AUTS2: variants seen among roughly 807,000 people sequenced by gnomAD.
AUTS2 encodes the protein activator of transcription and developmental regulator AUTS2.
AUTS2 carries 17 observed loss-of-function variants against 112.4 expected under a neutral mutation model. The ratio of observed to expected loss-of-function variants is 0.15; its 90% confidence interval spans 0.10 to 0.23. The LOEUF is 0.23. Ranked by LOEUF, AUTS2 falls within the 10% of genes least tolerant of loss-of-function variation. The pLI, the probability that AUTS2 is intolerant of heterozygous loss-of-function variation, is 1.00. For synonymous variants in AUTS2, 751 were observed against 702.7 expected (o/e 1.07, Z -1.09); for missense variants, 1,510 against 1,701.6 (o/e 0.89, Z 1.98).
chr7:70,577,836 T>C (rs1225726792), intron 5 of AUTS2, among the ~76,000 whole-genome samples: 1 of 151,818 alleles, frequency 6.6e-6, no homozygotes. Context: ...TCTTTATTTT[T>C]TTTTTATTTT....
intron 4 of AUTS2, among the ~76,000 whole-genome samples, chr7:70,309,690 TA>T (rs1451083159): frequency 1.3e-5 from 2 of 152,214 alleles, no homozygotes; most frequent in Admixed American, 6.5e-5. Context: ...CTACTGTTTT[TA>T]TGTAGTCTTT....
chr7:70,545,410 C>T lies in AUTS2; in HGVS notation c.690+109629C>T, dbSNP rs114205494. 1.0e-2 allele frequency among the ~76,000 whole-genome samples: 1,518 copies of T among 152,280 alleles called. 29 individuals are homozygous for T. The highest frequency in any genetic ancestry group is 0.035 in the African/African-American group (1,443 of 41,562). ...TCACTGAGTGTTTAAGAGGAAATAA[C>T]GGCCTGAGGCATAAGCCACTCACCC... On this transcript the variant is annotated intron_variant, in intron 5 of 18. Coordinates refer to ENST00000342771, the MANE Select transcript of AUTS2 (RefSeq NM_015570.4).
At chr7:70,669,791 C>T (rs1316989979) in intron 5 of AUTS2, among the ~76,000 whole-genome samples, 2 of 152,180 alleles carry the variant, frequency 1.3e-5, no homozygotes, top group Non-Finnish European at 2.9e-5. Flanking sequence ...GGCACAAGGG[C>T]TCTGAGGATG....
chr7:70,614,746 A>G (rs1396574463), intron 5 of AUTS2, among the ~76,000 whole-genome samples: 2 of 152,226 alleles, frequency 1.3e-5, no homozygotes, highest in African/African-American at 2.4e-5. Flanking sequence ...GCACGGCAGC[A>G]GAACTGAACA....
At chr7:70,205,313 G>T (rs1250202775) in intron 4 of AUTS2, among the ~76,000 whole-genome samples, 4 of 152,096 alleles carry the variant, frequency 2.6e-5, no homozygotes. Context: ...CTCCTGAGTA[G>T]CTGCAATCAC....
At chr7:70,527,670 C>T (rs1027474477) in intron 5 of AUTS2, among the ~76,000 whole-genome samples, 1 of 152,158 alleles carries the variant, frequency 6.6e-6, no homozygotes, top group Non-Finnish European at 1.5e-5. Flanking sequence ...ACATAAATAG[C>T]ACTAAATATA....
intron 5 of AUTS2, among the ~76,000 whole-genome samples, chr7:70,542,553 C>T (rs28589463): frequency 0.042 from 6,337 of 152,296 alleles, 213 homozygotes; most frequent in African/African-American, 0.092. Context: ...CAGGCACTGG[C>T]GCAGGCCAGC....
In AUTS2 at chr7:70,173,849, G is replaced by C. The variant is rs865788459; in HGVS notation, c.660+39278G>C. On this transcript the variant is annotated intron_variant, in intron 4 of 18. Transcript: ENST00000342771. ...GCTATATAAGAACAGTGTGTGTTCT[G>C]TTTCACCAACCTGCCTTTCCTCTCT... Among the ~76,000 whole-genome samples, 6 of 152,018 alleles carry C rather than the reference G, an allele frequency of 3.9e-5. No homozygotes were observed. In the South Asian group the frequency reaches 6.2e-4, roughly 16 times the overall value.
intron 5 of AUTS2, among the ~76,000 whole-genome samples, chr7:70,459,944 G>T (rs1409781212): frequency 1.3e-5 from 2 of 152,128 alleles, no homozygotes; most frequent in Non-Finnish European, 2.9e-5. Context: ...TTTACAACAG[G>T]AACATAACAA....
chr7:69,777,980 A>T (rs1350807870), intron 1 of AUTS2, among the ~76,000 whole-genome samples: 1 of 152,220 alleles, frequency 6.6e-6, no homozygotes, highest in Admixed American at 6.5e-5. Flanking sequence ...ATAAATATTA[A>T]TGAAGCAGTT....
At chr7:70,393,892 A>G (rs1793974747) in intron 4 of AUTS2, among the ~76,000 whole-genome samples, 1 of 152,060 alleles carries the variant, frequency 6.6e-6, no homozygotes, top group African/African-American at 2.4e-5. Context: ...AGCCAATGAC[A>G]CCTCATGGCA....
chr7:70,731,213 A>G (rs921871228), intron 6 of AUTS2, among the ~76,000 whole-genome samples: 6 of 151,936 alleles, frequency 3.9e-5, no homozygotes, highest in African/African-American at 1.5e-4. Flanking sequence ...CTTTCTTGAT[A>G]GTGTCTTTTG....
chr7:70,524,315 C>CATT (rs1799755745), intron 5 of AUTS2, among the ~76,000 whole-genome samples: 2 of 152,164 alleles, frequency 1.3e-5, no homozygotes, highest in Admixed American at 1.3e-4. Context: ...TTACAATGGT[C>CATT]ATTATTCCAT....
chr7:70,318,126 G>A (rs1162355228), intron 4 of AUTS2, among the ~76,000 whole-genome samples: 1 of 152,118 alleles, frequency 6.6e-6, no homozygotes, highest in African/African-American at 2.4e-5. Flanking sequence ...TATTATGCAT[G>A]TCACGTAGAG....
chr7:70,307,895 C>A (rs1789559766), intron 4 of AUTS2, among the ~76,000 whole-genome samples: 1 of 152,104 alleles, frequency 6.6e-6, no homozygotes, highest in Non-Finnish European at 1.5e-5. Flanking sequence ...TGAGCATAAC[C>A]ACATCCGAAA....
At chr7:70,162,128 A>G (rs543015135) in intron 4 of AUTS2, among the ~76,000 whole-genome samples, 190 of 152,264 alleles carry the variant, frequency 1.2e-3, no homozygotes, top group Non-Finnish European at 2.2e-3. Context: ...ACAGTGTAGA[A>G]TTTCCTATTC....
At chr7:70,037,483 TAAC>T (rs1488599942) in intron 2 of AUTS2, among the ~76,000 whole-genome samples, 2 of 152,208 alleles carry the variant, frequency 1.3e-5, no homozygotes, top group Non-Finnish European at 2.9e-5. Context: ...ATGTACCTGA[TAAC>T]AACATCATGT....
At chr7:70,125,693 T>G (rs1805934514) in intron 3 of AUTS2, among the ~76,000 whole-genome samples, 1 of 152,160 alleles carries the variant, frequency 6.6e-6, no homozygotes, top group Non-Finnish European at 1.5e-5. Context: ...CTGGGTCACC[T>G]CCTACCCGGC....
intron 5 of AUTS2, among the ~76,000 whole-genome samples, chr7:70,582,596 G>A (rs1298430011): frequency 6.6e-6 from 1 of 152,208 alleles, no homozygotes; most frequent in African/African-American, 2.4e-5. Flanking sequence ...CAGAATTCAA[G>A]GTACAGAAGC....
Sources: allele counts gnomAD v4.1 joint callset (sites outside exome capture counted in the v4.1 genomes callset), GRCh38; gene constraint gnomAD v4.1.1; transcripts MANE v1.5; gene names NCBI Gene and HGNC (gene_info 2026-07-23, HGNC 2026-07-21).